The following RBFOX1 variants were observed in gnomAD, a reference collection of about 807,000 sequenced individuals.
RBFOX1 encodes RNA binding fox-1 homolog 1.
A neutral mutation model predicts 57.7 loss-of-function variants in RBFOX1; 8 were observed. That is an observed-to-expected ratio of 0.14 (90% CI 0.08 to 0.25). The LOEUF (loss-of-function observed/expected upper bound fraction) is 0.25, where lower values mean the gene tolerates loss of function less well. Ranked by LOEUF, RBFOX1 falls within the 10% of genes least tolerant of loss-of-function variation. RBFOX1 has a pLI of 1.00. For missense variants in RBFOX1, 611 were observed against 548.5 expected, an observed-to-expected ratio of 1.11 and a Z score of -1.14; for synonymous variants, 326 against 222.4, an observed-to-expected ratio of 1.47 and a Z score of -4.15.
At chr16:5,815,542 CAG>C (rs1371369322) in intron 3 of RBFOX1, among the ~76,000 whole-genome samples, 1 of 152,126 alleles carries the variant, frequency 6.6e-6, no homozygotes, top group African/African-American at 2.4e-5. Context: ...GGACCCCACT[CAG>C]AAAGTCCATC....
At chr16:7,118,615 C>T (rs2066439875) in intron 4 of RBFOX1, among the ~76,000 whole-genome samples, 2 of 152,128 alleles carry the variant, frequency 1.3e-5, no homozygotes, top group African/African-American at 2.4e-5. Flanking sequence ...TACATGTAAT[C>T]ACACTTATCT....
intron 4 of RBFOX1, among the ~76,000 whole-genome samples, chr16:5,905,794 T>G (rs370000290): frequency 4.6e-5 from 7 of 152,152 alleles, no homozygotes; most frequent in Admixed American, 3.3e-4. Flanking sequence ...TCCATCCTCC[T>G]GAAGGGTGAG....
intron 3 of RBFOX1, among the ~76,000 whole-genome samples, chr16:5,704,007 C>T (rs1001217163): frequency 6.6e-6 from 1 of 152,130 alleles, no homozygotes; most frequent in African/African-American, 2.4e-5. Context: ...CAGATCTGTT[C>T]TACCTTCAGA....
rs191593065 is a variant in RBFOX1 at position 6,030,447 on chromosome 16, G to A, written c.-127+10455G>A. Among the ~76,000 whole-genome samples, 268 of 152,250 alleles carry A rather than the reference G, an allele frequency of 1.8e-3. 2 individuals carry two copies. The highest frequency in any genetic ancestry group is 5.9e-3 in the African/African-American group (245 of 41,544). On this transcript the variant is annotated intron_variant, in intron 1 of 15. Transcript: ENST00000550418. ...TAGAATTTGATAGCATGGATTTTGC[G>A]TATTAACCTCACTTTTGACTCAGTT...
intron 3 of RBFOX1, among the ~76,000 whole-genome samples, chr16:6,770,532 G>A (rs1437310033): frequency 6.6e-6 from 1 of 152,110 alleles, no homozygotes; most frequent in Non-Finnish European, 1.5e-5. Flanking sequence ...TTTTCTTTCT[G>A]CCCCTTTACG....
At chr16:6,152,191 T>A (rs564693837) in intron 1 of RBFOX1, among the ~76,000 whole-genome samples, 27 of 152,328 alleles carry the variant, frequency 1.8e-4, no homozygotes, top group African/African-American at 6.3e-4. Flanking sequence ...CATAATATTG[T>A]CTGAGTCAAT....
chr16:5,970,531 C>T (rs897011846), intron 4 of RBFOX1, among the ~76,000 whole-genome samples: 2 of 152,138 alleles, frequency 1.3e-5, no homozygotes, highest in African/African-American at 4.8e-5. Flanking sequence ...TTTCCAGTTT[C>T]AACCAATGAG....
chr16:5,590,948 C>A (rs566678127), intron 2 of RBFOX1, among the ~76,000 whole-genome samples: 1 of 152,072 alleles, frequency 6.6e-6, no homozygotes, highest in Non-Finnish European at 1.5e-5. Context: ...TGCATTCAGA[C>A]CACACTGAAA....
chr16:6,417,695 C>G lies in RBFOX1; in HGVS notation c.-64+100638C>G, dbSNP rs556664375. On this transcript the variant is annotated intron_variant, in intron 2 of 15. Coordinates refer to ENST00000550418, the MANE Select transcript of RBFOX1 (RefSeq NM_018723.4). ...GTGAGCCACCATGTCTGGCCTTAAA[C>G]TCCTTTCTTTTTAAAAAAAAAAAAA... 6.5e-3 allele frequency among the ~76,000 whole-genome samples: 578 copies of G among 89,256 alleles called. 5 individuals are homozygous for G. Among genetic ancestry groups the G allele is most frequent in the African/African-American group, 0.034 (544 of 15,948 alleles). 58.6% of individuals were successfully genotyped at this position (89,256 alleles called of 152,430 possible).
chr16:6,222,378 A>T (rs192591569), intron 1 of RBFOX1, among the ~76,000 whole-genome samples: 120 of 152,162 alleles, frequency 7.9e-4, no homozygotes, highest in Non-Finnish European at 1.3e-3. Flanking sequence ...CAAAAACATA[A>T]CAAAAAGGGT....
In RBFOX1 at chr16:5,454,910, C is replaced by G. The variant is rs1344789001; in HGVS notation, c.220-12306C>G. Reference sequence around the variant, plus strand: ...TCTTTCTTTCTTTCTTTCTTTCTTTCTTTCCTTTGTTTCTTTCTTCCTTCC... The same window carrying G: ...TCTTTCTTTCTTTCTTTCTTTCTTTGTTTCCTTTGTTTCTTTCTTCCTTCC... On this transcript the variant is annotated intron_variant, in intron 1 of 2. Transcript: ENST00000585867. 4.4e-3 allele frequency among the ~76,000 whole-genome samples: 278 copies of G among 63,520 alleles called. 8 individuals are homozygous for G. Among genetic ancestry groups the G allele is most frequent in the African/African-American group, 0.014 (249 of 18,012 alleles). The allele number at this position is 63,520 out of a possible 152,430, so 41.7% of individuals were successfully genotyped here.
intron 4 of RBFOX1, among the ~76,000 whole-genome samples, chr16:7,482,379 G>A (rs918653644): frequency 6.6e-6 from 1 of 152,088 alleles, no homozygotes; most frequent in African/African-American, 2.4e-5. Context: ...AGTCCGCACA[G>A]CTGACAGTGA....
At chr16:7,690,080 T>G (rs2076992943) in intron 14 of RBFOX1, among the ~76,000 whole-genome samples, 1 of 152,072 alleles carries the variant, frequency 6.6e-6, no homozygotes, top group African/African-American at 2.4e-5. Flanking sequence ...TTGAATCTCT[T>G]GAATCCCTCT....
chr16:6,486,054 A>T (rs998222928), intron 2 of RBFOX1, among the ~76,000 whole-genome samples: 3 of 145,806 alleles, frequency 2.1e-5, no homozygotes, highest in African/African-American at 7.5e-5. Flanking sequence ...AGTATGATAC[A>T]AAAGTTGAAG....
intron 2 of RBFOX1, among the ~76,000 whole-genome samples, chr16:6,583,611 G>C (rs1488072076): frequency 6.6e-6 from 1 of 152,186 alleles, no homozygotes; most frequent in Non-Finnish European, 1.5e-5. Flanking sequence ...TCCATTCTCT[G>C]TAACTCTTAG....
chr16:5,541,138 C>G (rs1199896782), intron 2 of RBFOX1, among the ~76,000 whole-genome samples: 4 of 152,094 alleles, frequency 2.6e-5, no homozygotes, highest in African/African-American at 9.7e-5. Context: ...ACATGAGCCT[C>G]CATGCCTGGC....
Position 6,616,660 on chromosome 16 carries a change from G to A in RBFOX1, c.-63-37943G>A, listed in dbSNP as rs1364320729. Among the ~76,000 whole-genome samples, 2 of 152,328 alleles carry A rather than the reference G, an allele frequency of 1.3e-5. 1 individual carries two copies. Among genetic ancestry groups the A allele is most frequent in the South Asian group, 4.1e-4 (2 of 4,822 alleles). On this transcript the variant is annotated intron_variant, in intron 2 of 15. Coordinates refer to ENST00000550418, the MANE Select transcript of RBFOX1 (RefSeq NM_018723.4). ...ACTGCACTCCAGCCTGGGCGACAGA[G>A]CAAGACTCAGGTGATCTACCTGCCT... is the stretch of plus-strand genomic sequence containing the variant.
intron 1 of RBFOX1, among the ~76,000 whole-genome samples, chr16:5,257,537 G>C (rs1432939401): frequency 6.6e-6 from 1 of 152,154 alleles, no homozygotes; most frequent in Non-Finnish European, 1.5e-5. Context: ...ACCCAGTAGG[G>C]GCCTGCGTTT....
chr16:5,339,742 G>A (rs1026918391), intron 1 of RBFOX1, among the ~76,000 whole-genome samples: 2 of 152,048 alleles, frequency 1.3e-5, no homozygotes, highest in African/African-American at 4.8e-5. Flanking sequence ...AGTCCTCAGA[G>A]CAAAGTGGAT....
Sources: gnomAD v4.1 joint callset for allele counts (sites outside exome capture counted in the v4.1 genomes callset) on GRCh38, gnomAD v4.1.1 for gene constraint, MANE v1.5 for transcripts, NCBI Gene and HGNC (gene_info 2026-07-23, HGNC 2026-07-21) for gene names.